OSBPL3: variants seen among roughly 807,000 people sequenced by gnomAD.
OSBPL3 encodes oxysterol-binding protein-related protein 3.
A neutral mutation model predicts 120.1 loss-of-function variants in OSBPL3; 65 were observed. The observed-to-expected ratio is 0.54, with a 90% CI of 0.44 to 0.67. The LOEUF (loss-of-function observed/expected upper bound fraction) is 0.67. Ranked by LOEUF, OSBPL3 falls within the 30% of genes least tolerant of loss-of-function variation. The pLI is 0.00. For synonymous variants in OSBPL3, 416 were observed against 402.6 expected, an observed-to-expected ratio of 1.03 and a Z score of -0.40; for missense variants, 1,004 against 1,082.1, an observed-to-expected ratio of 0.93 and a Z score of 1.01.
rs1813898555 is a variant in OSBPL3, at chr7:24,947,777, A to G, written c.-150+32109T>C. ...TATGTATACATACATATCCAATTAA[A>G]TCACACACACACACACACACACACA... On this transcript the variant is annotated intron_variant, in intron 1 of 22. Coordinates refer to ENST00000313367, the MANE Select transcript of OSBPL3 (RefSeq NM_015550.4). This position sits in a 1 kb window ranked among gnomAD's most constrained non-coding sequence, Gnocchi z 4.4. 1.0e-5 allele frequency among the ~76,000 whole-genome samples: 1 copy of G among 96,868 alleles called. No homozygotes were observed. Among genetic ancestry groups the G allele is most frequent in the Non-Finnish European group, 2.1e-5 (1 of 47,700 alleles). The allele number at this position is 96,868 out of a possible 152,430, so 63.5% of individuals were successfully genotyped here. A position where few individuals can be genotyped will look rare whatever the true frequency, so the allele number is the denominator to read the frequency against.
chr7:24,845,384 TAAAAAAAAAAAAA>T (rs34559902), intron 12 of OSBPL3, among the ~76,000 whole-genome samples: 7 of 62,262 alleles, frequency 1.1e-4, no homozygotes, highest in South Asian at 1.7e-3. Flanking sequence ...GCAAAATAAG[TAAAAAAAAAAAAA>T]AAAAAAAAAA....
intron 1 of OSBPL3, among the ~76,000 whole-genome samples, chr7:24,961,675 A>T (rs1366631055): frequency 6.6e-6 from 1 of 152,174 alleles, no homozygotes; most frequent in African/African-American, 2.4e-5. Flanking sequence ...CCAGAACTGA[A>T]TGATACAAAT....
chr7:24,841,562 G>A (rs1320712894), intron 13 of OSBPL3, among the ~76,000 whole-genome samples: 1 of 151,524 alleles, frequency 6.6e-6, no homozygotes, highest in African/African-American at 2.4e-5. Flanking sequence ...TGGGCATGGG[G>A]CGCACGCCTG....
At position 24,872,495 on chromosome 7, in the gene OSBPL3, G is replaced by A. The variant is rs1358012898; in HGVS notation, c.97-426C>T. Among the ~76,000 whole-genome samples, 2 of 141,276 alleles carry A rather than the reference G, an allele frequency of 1.4e-5. No individual in the cohort carries two copies. The highest frequency in any genetic ancestry group is 3.1e-5 in the Non-Finnish European group (2 of 63,752). The allele number at this position is 141,276 out of a possible 152,430, so 92.7% of individuals were successfully genotyped here. A position where few individuals can be genotyped will look rare whatever the true frequency, so the allele number is the denominator to read the frequency against. On this transcript the variant is annotated intron_variant, in intron 2 of 22. Transcript: ENST00000313367. This position sits in a 1 kb window ranked among gnomAD's most constrained non-coding sequence, Gnocchi z 4.1. Reference sequence around the variant, plus strand: ...TGTGTGTGTGTGTGTGTGGTGTTGGGGGAAGGAAGTTGGTTTAAGAATTGG... The same window carrying A: ...TGTGTGTGTGTGTGTGTGGTGTTGGAGGAAGGAAGTTGGTTTAAGAATTGG...
chr7:24,923,161 G>C (rs1288291456), intron 1 of OSBPL3, among the ~76,000 whole-genome samples: 1 of 152,100 alleles, frequency 6.6e-6, no homozygotes, highest in Non-Finnish European at 1.5e-5. Flanking sequence ...ATCTAGAAAG[G>C]GCCATCACTA....
chr7:24,932,646 A>T lies in OSBPL3; in HGVS notation c.-149-40025T>A, dbSNP rs1390512443. Among the ~76,000 whole-genome samples the T allele has an allele frequency of 6.6e-6, 1 of 152,178 alleles. No homozygotes were observed. Among genetic ancestry groups the T allele is most frequent in the African/African-American group, 2.4e-5 (1 of 41,454 alleles). On this transcript the variant is annotated intron_variant, in intron 1 of 22. Coordinates refer to ENST00000313367, the MANE Select transcript of OSBPL3 (RefSeq NM_015550.4). This position sits in a 1 kb window ranked among gnomAD's most constrained non-coding sequence, Gnocchi z 5.6. ...CAAAAAGGCACTGTCTACCAACCAA[A>T]AAACGAGCCTCCCAAGACACCAAAT...
intron 1 of OSBPL3, among the ~76,000 whole-genome samples, chr7:24,908,091 T>C (rs1808217202): frequency 6.6e-6 from 1 of 152,204 alleles, no homozygotes; most frequent in Non-Finnish European, 1.5e-5. Flanking sequence ...ACAAGAGACA[T>C]CATTTCTCTC....
chr7:24,975,851 T>A (rs575697651), intron 1 of OSBPL3, among the ~76,000 whole-genome samples: 1 of 152,188 alleles, frequency 6.6e-6, no homozygotes, highest in East Asian at 1.9e-4. Flanking sequence ...CAAAAGCAGT[T>A]TATGAGTTCA....
In OSBPL3 at chr7:24,872,011, G is replaced by T; in HGVS notation, c.155C>A (p.Pro52Gln). 1 of 1,613,916 alleles carries T rather than the reference G, an allele frequency of 6.2e-7. No individual in the cohort carries two copies. Among genetic ancestry groups the T allele is most frequent in the East Asian group, 2.2e-5 (1 of 44,868 alleles). ...RGEMNYTQEP[P>Q]VQKGFLLKKR... ...TTTCAGCAAAAATCCTTTCTGAACT[G>T]GTGGCTCCTGGGTGTAATTCATCTC... Residue 52 changes from proline to glutamine, a missense_variant, in exon 3 of 23, where the codon CCA becomes CAA. Physicochemically the swap from Pro to Gln is moderately conservative, Grantham distance 76 (BLOSUM62 -1). This residue lies in a region of OSBPL3 where 255 missense variants were observed against 248.7 expected (regional missense o/e 1.03). Transcript: ENST00000313367. The surrounding 1 kb of genome is among the most constrained non-coding windows in gnomAD (Gnocchi z 4.1).
chr7:24,809,442 A>G (rs1793483574), intron 20 of OSBPL3, among the ~76,000 whole-genome samples: 1 of 152,074 alleles, frequency 6.6e-6, no homozygotes, highest in Non-Finnish European at 1.5e-5. Context: ...TTTTCCAGGA[A>G]CACTTTCCTC....
Position 24,940,789 on chromosome 7 carries a change from G to A in OSBPL3, c.-150+39097C>T, listed in dbSNP as rs34544927. Among the ~76,000 whole-genome samples, 27,928 of 151,102 alleles carry A rather than the reference G, an allele frequency of 0.18. 3,265 individuals carry two copies. The highest frequency in any genetic ancestry group is 0.49 in the East Asian group (2,496 of 5,088). On this transcript the variant is annotated intron_variant, in intron 1 of 22. Coordinates refer to ENST00000313367, the MANE Select transcript of OSBPL3 (RefSeq NM_015550.4). The surrounding 1 kb of genome is among the most constrained non-coding windows in gnomAD (Gnocchi z 4.4). ...AACCAAAGCTCACACTTCCCACATC[G>A]CTCTTCTTAACATTTCTTCCTTTTT...
Position 24,899,546 on chromosome 7 carries a change from A to G in OSBPL3, c.-149-6925T>C, listed in dbSNP as rs931503131. Reference sequence around the variant, plus strand: ...CATGTCAAGATATTTCTGGAGACCAATGGTCACTGGCTGACTTCTTTGTTA... The same window carrying G: ...CATGTCAAGATATTTCTGGAGACCAGTGGTCACTGGCTGACTTCTTTGTTA... On this transcript the variant is annotated intron_variant, in intron 1 of 22. Transcript: ENST00000313367. This position sits in a 1 kb window ranked among gnomAD's most constrained non-coding sequence, Gnocchi z 4.0. 6.6e-6 allele frequency among the ~76,000 whole-genome samples: 1 copy of G among 152,192 alleles called. No homozygotes were observed. Among genetic ancestry groups the G allele is most frequent in the Non-Finnish European group, 1.5e-5 (1 of 68,036 alleles).
intron 7 of OSBPL3, among the ~76,000 whole-genome samples, chr7:24,864,691 C>G (rs1015051287): frequency 2.0e-5 from 3 of 152,152 alleles, no homozygotes; most frequent in African/African-American, 4.8e-5. Context: ...AAATCCCACC[C>G]CCAGACAATT....
Position 24,918,194 on chromosome 7 carries a change from A to C in OSBPL3, c.-149-25573T>G, listed in dbSNP as rs1041549427. ...ACAGACCTGAGAGGTCAAGAGAGTC[A>C]TGAGAAACTGACCATCACATAAACA... On this transcript the variant is annotated intron_variant, in intron 1 of 22. Transcript: ENST00000313367. The surrounding 1 kb of genome is among the most constrained non-coding windows in gnomAD (Gnocchi z 4.3). The C allele has an allele frequency of 1.9e-5, 6 of 320,434 alleles. No homozygotes were observed. The highest frequency in any genetic ancestry group is 4.5e-5 in the African/African-American group (2 of 44,548). 19.8% of individuals were successfully genotyped at this position (320,434 alleles called of 1,614,324 possible). A position where few individuals can be genotyped will look rare whatever the true frequency, so the allele number is the denominator to read the frequency against.
intron 1 of OSBPL3, among the ~76,000 whole-genome samples, chr7:24,977,734 T>C (rs1020965723): frequency 2.0e-5 from 3 of 152,140 alleles, no homozygotes; most frequent in African/African-American, 7.2e-5. Flanking sequence ...CGGGCGCCTG[T>C]AGTCCCAGCC....
chr7:24,859,005 T>C (rs1455912712), intron 10 of OSBPL3, among the ~76,000 whole-genome samples: 2 of 152,244 alleles, frequency 1.3e-5, no homozygotes, highest in Non-Finnish European at 2.9e-5. Flanking sequence ...TTCAAATTCT[T>C]TGAAGATCCT....
intron 1 of OSBPL3, among the ~76,000 whole-genome samples, chr7:24,907,819 T>C (rs1016076433): frequency 1.3e-5 from 2 of 152,246 alleles, no homozygotes; most frequent in Non-Finnish European, 2.9e-5. Context: ...CTTCATATCC[T>C]GACTGCTAGA....
At position 24,834,268 on chromosome 7, in the gene OSBPL3, C is replaced by T. The variant is rs746009172; in HGVS notation, c.1746+218G>A. Reference sequence around the variant, plus strand: ...ACAGAACTACCCCAGGCACCAAGTGCCACGGAGAAGCACCCCAACCCCGTC... The same window carrying T: ...ACAGAACTACCCCAGGCACCAAGTGTCACGGAGAAGCACCCCAACCCCGTC... On this transcript the variant is annotated intron_variant, in intron 15 of 22. Coordinates refer to ENST00000313367, the MANE Select transcript of OSBPL3 (RefSeq NM_015550.4). The surrounding 1 kb of genome is among the most constrained non-coding windows in gnomAD (Gnocchi z 5.2). The T allele has an allele frequency of 2.1e-5, 29 of 1,361,288 alleles. No homozygotes were observed. In the South Asian group the frequency reaches 5.4e-4, roughly 25 times the overall value. 84.3% of individuals were successfully genotyped at this position (1,361,288 alleles called of 1,614,324 possible). A position where few individuals can be genotyped will look rare whatever the true frequency, so the allele number is the denominator to read the frequency against.
intron 1 of OSBPL3, among the ~76,000 whole-genome samples, chr7:24,975,734 G>A (rs887097121): frequency 6.6e-6 from 1 of 152,220 alleles, no homozygotes; most frequent in South Asian, 2.1e-4. Context: ...CTGAAGGAAG[G>A]AAGGACATCA....
Sources: allele counts gnomAD v4.1 joint callset (sites outside exome capture counted in the v4.1 genomes callset), GRCh38; gene constraint gnomAD v4.1.1; regional missense constraint gnomAD v4.1.1; non-coding constraint Gnocchi (gnomAD v3.1); transcripts MANE v1.5; gene names NCBI Gene and HGNC (gene_info 2026-07-23, HGNC 2026-07-21).